LRRK2: variants seen among roughly 807,000 people sequenced by gnomAD.
LRRK2 encodes the protein leucine rich repeat kinase 2.
In LRRK2, 203 loss-of-function variants were observed where a neutral mutation model predicts 302.6. That is an observed-to-expected ratio of 0.67 (90% CI 0.60 to 0.75). LRRK2 has a LOEUF of 0.75. Ranked by LOEUF, LRRK2 falls within the 30% of genes least tolerant of loss-of-function variation. LRRK2 has a pLI of 0.00. For missense variants in LRRK2, 2,830 were observed against 2,951.0 expected (o/e 0.96, Z 0.95); for synonymous variants, 1,066 against 1,031.9 (o/e 1.03, Z -0.63).
chr12:40,356,257 T>A, intron 46 of LRRK2, 70 bp downstream of exon 46: 1 of 1,065,036 alleles, frequency 9.4e-7, no homozygotes, highest in Non-Finnish European at 1.4e-6. Context: ...CTCACACCCC[T>A]CTTATGGGAT....
At chr12:40,258,273 G>GT (rs1942610316) in intron 12 of LRRK2, among the ~76,000 whole-genome samples, 2 of 152,168 alleles carry the variant, frequency 1.3e-5, no homozygotes, top group South Asian at 4.1e-4. Flanking sequence ...GAAATGTAGC[G>GT]TAACTGCAGA....
intron 39 of LRRK2, among the ~76,000 whole-genome samples, chr12:40,329,260 T>A (rs1052768027): frequency 1.3e-5 from 2 of 152,226 alleles, no homozygotes; most frequent in African/African-American, 4.8e-5. Flanking sequence ...ATTTTCCTGA[T>A]ATAGTAACAA....
At position 40,252,913 on chromosome 12, in the gene LRRK2, C is replaced by T; in HGVS notation, c.1185C>T (p.Phe395=). Residue 395 remains phenylalanine (F), a synonymous_variant, in exon 11 of 51, where the codon TTC becomes TTT. Coordinates refer to ENST00000298910, the MANE Select transcript of LRRK2 (RefSeq NM_198578.4). The part of the protein sequence containing the change: ...HEKIGDEDGH[F]PAHREVMLSM... ...ATTTTGTTTGAATTTTTGAAAGTTT[C>T]CCAGCTCATAGGGAAGTGATGCTCT... 6.2e-7 allele frequency: 1 copy of T among 1,611,766 alleles called. No homozygotes were observed. The highest frequency in any genetic ancestry group is 8.5e-7 in the Non-Finnish European group (1 of 1,178,214).
At chr12:40,260,390 A>G (rs556882208) in intron 13 of LRRK2, among the ~76,000 whole-genome samples, 1 of 151,566 alleles carries the variant, frequency 6.6e-6, no homozygotes, top group South Asian at 2.1e-4. Context: ...AGAGATTGTA[A>G]TATTTGAGGT....
chr12:40,335,201 G>A (rs781041884), intron 40 of LRRK2, 44 bp downstream of exon 40: 12 of 1,601,206 alleles, frequency 7.5e-6, no homozygotes, highest in African/African-American at 1.3e-5. Context: ...TGACAAGTGT[G>A]ATCCAGACTT....
chr12:40,346,719 G>C, intron 41 of LRRK2, 34 bp from the exon 42 acceptor site: 1 of 1,603,838 alleles, frequency 6.2e-7, no homozygotes, highest in South Asian at 1.1e-5. Context: ...CCCTGATGTT[G>C]GTCATATTTA....
chr12:40,289,632 T>C (rs916611955), intron 20 of LRRK2, among the ~76,000 whole-genome samples: 15 of 150,934 alleles, frequency 9.9e-5, no homozygotes, highest in Non-Finnish European at 2.2e-4. Context: ...TAATGTGATA[T>C]ATAGTTCAAT....
At chr12:40,228,407 G>A (rs931994782) in intron 2 of LRRK2, among the ~76,000 whole-genome samples, 1 of 78,594 alleles carries the variant, frequency 1.3e-5, no homozygotes, top group East Asian at 3.3e-4. Context: ...TGTCTATTTG[G>A]ATCTTTTGTC....
chr12:40,285,738 C>T (rs1277017202), intron 19 of LRRK2, among the ~76,000 whole-genome samples: 1 of 151,624 alleles, frequency 6.6e-6, no homozygotes, highest in African/African-American at 2.4e-5. Flanking sequence ...TTGTGGAATG[C>T]TTTGCAATCA....
chr12:40,286,890 T>G (rs1943945276), intron 19 of LRRK2, among the ~76,000 whole-genome samples: 1 of 152,102 alleles, frequency 6.6e-6, no homozygotes, highest in Non-Finnish European at 1.5e-5. Context: ...AGATCCTTTA[T>G]TTAGCAGTTT....
intron 39 of LRRK2, among the ~76,000 whole-genome samples, chr12:40,331,696 T>C (rs1025258413): frequency 1.6e-4 from 24 of 152,222 alleles, no homozygotes; most frequent in Non-Finnish European, 8.8e-5. Context: ...GGCCACAAGT[T>C]GGACAAGCTT....
rs1411628030 is a variant in LRRK2, at chr12:40,310,595, T to G, written c.4482T>G (p.Ser1494=). 6.2e-7 allele frequency: 1 copy of G among 1,612,652 alleles called. No homozygotes were observed. The highest frequency in any genetic ancestry group is 1.1e-5 in the South Asian group (1 of 90,930). The change falls in exon 31 of 51, where the codon TCT becomes TCG. Residue 1494 remains serine, a synonymous_variant. Coordinates refer to ENST00000298910, the MANE Select transcript of LRRK2 (RefSeq NM_198578.4). ...DYHFVNATEE[S]DALAKLRKTI... is the part of the protein sequence containing the mutation. ...ACTTTGTGAATGCCACCGAGGAATCTGATGCTTTGGCAAAACTTCGGAAAA... is the reference window on the plus strand; with the variant it reads ...ACTTTGTGAATGCCACCGAGGAATCGGATGCTTTGGCAAAACTTCGGAAAA...
chr12:40,354,244 C>G (rs557613415), intron 44 of LRRK2, 55 bp from the exon 45 acceptor site: 17 of 1,443,068 alleles, frequency 1.2e-5, no homozygotes, highest in Non-Finnish European at 1.5e-5. Flanking sequence ...TGTACAAGTT[C>G]TAGTTGCTTA....
chr12:40,250,048 C>A, intron 8 of LRRK2, 103 bp downstream of exon 8: 1 of 1,398,066 alleles, frequency 7.2e-7, no homozygotes, highest in Non-Finnish European at 9.9e-7. Flanking sequence ...CATTCAATGC[C>A]TTTTCTGTCC....
intron 14 of LRRK2, among the ~76,000 whole-genome samples, chr12:40,265,651 C>T (rs1245823612): frequency 2.6e-5 from 4 of 152,126 alleles, no homozygotes; most frequent in African/African-American, 9.7e-5. Flanking sequence ...GAAATCTCCA[C>T]CCAGGGGTGT....
At chr12:40,359,814 G>A (rs1946652055) in intron 47 of LRRK2, among the ~76,000 whole-genome samples, 1 of 151,938 alleles carries the variant, frequency 6.6e-6, no homozygotes, top group African/African-American at 2.4e-5. Context: ...ATGCAATTTG[G>A]GTAACTTCCA....
intron 18 of LRRK2, among the ~76,000 whole-genome samples, chr12:40,280,621 T>TTAAAATAAAATAAAATAAAATAAAA (rs57373855): frequency 1.8e-3 from 237 of 132,620 alleles, no homozygotes; most frequent in African/African-American, 5.5e-3. Context: ...CCAGACCCTG[T>TTAAAATAAAATAAAATAAAATAAAA]TAAAATAAAA....
In LRRK2 at chr12:40,287,508, G is replaced by T. The variant is rs1452911011; in HGVS notation, c.2658G>T (p.Val886=). 6.2e-7 allele frequency: 1 copy of T among 1,612,436 alleles called. No homozygotes were observed. Among genetic ancestry groups the T allele is most frequent in the African/African-American group, 1.3e-5 (1 of 74,890 alleles). The change falls in exon 20 of 51, where the codon GTG becomes GTT. Residue 886 remains valine (V), a synonymous_variant. Transcript: ENST00000298910. ...TFIPDSSMDS[V]FAQSDDLDSE... is the part of the protein sequence containing the mutation. ...TTCCTGACTCTTCTATGGACAGTGT[G>T]TTTGCTCAAAGTGATGACCTGGATA...
intron 28 of LRRK2, among the ~76,000 whole-genome samples, chr12:40,306,175 A>T (rs1285237225): frequency 6.6e-6 from 1 of 152,164 alleles, no homozygotes; most frequent in African/African-American, 2.4e-5. Context: ...AGCCAGACTA[A>T]TGTTGAGAGC....
Sources: allele counts gnomAD v4.1 joint callset (sites outside exome capture counted in the v4.1 genomes callset), GRCh38; gene constraint gnomAD v4.1.1; transcripts MANE v1.5; gene names NCBI Gene and HGNC (gene_info 2026-07-23, HGNC 2026-07-21).